Variants in STIM1 observed in about 807,000 individuals in gnomAD.
The protein encoded by STIM1 is stromal interaction molecule 1.
STIM1 carries 25 observed loss-of-function variants against 74.7 expected under a neutral mutation model. The ratio of observed to expected loss-of-function variants is 0.33; its 90% CI spans 0.24 to 0.47. STIM1 has a LOEUF of 0.47. STIM1 is among the 20% of genes least tolerant of loss of function. The probability of loss-of-function intolerance (pLI) is 1.00; values close to 1 mark genes in which losing one functional copy is unlikely to be tolerated. For synonymous variants in STIM1, 328 were observed against 348.8 expected (o/e 0.94, Z 0.66); for missense variants, 728 against 920.8 (o/e 0.79, Z 2.71).
chr11:4,000,523 G>C (rs1269124609), intron 2 of STIM1, among the ~76,000 whole-genome samples: 1 of 152,052 alleles, frequency 6.6e-6, no homozygotes, highest in African/African-American at 2.4e-5. Context: ...GCAGCTGAGG[G>C]TCCTGTCTGT....
intron 1 of STIM1, among the ~76,000 whole-genome samples, chr11:3,952,461 AC>A (rs1039130531): frequency 2.6e-5 from 4 of 152,182 alleles, no homozygotes; most frequent in African/African-American, 9.7e-5. Flanking sequence ...TGATGGATGA[AC>A]AACTAACATT....
intron 3 of STIM1, among the ~76,000 whole-genome samples, chr11:4,045,643 G>C (rs1056160735): frequency 6.6e-6 from 1 of 151,540 alleles, no homozygotes; most frequent in Non-Finnish European, 1.5e-5. Flanking sequence ...TGTAGAGATG[G>C]GTTTTGTCAT....
chr11:4,086,591 T>C, intron 12 of STIM1, 48 bp downstream of exon 12: 1 of 1,611,106 alleles, frequency 6.2e-7, no homozygotes, highest in Non-Finnish European at 8.5e-7. Flanking sequence ...CGGGTATCTC[T>C]GCGGCGAATG....
In STIM1 at chr11:3,977,941, A is replaced by G. The variant is rs574960831; in HGVS notation, c.270+10259A>G. Among the ~76,000 whole-genome samples, 8 of 152,216 alleles carry G rather than the reference A, an allele frequency of 5.3e-5. No homozygotes were observed. The South Asian group carries it at 1.7e-3, about 32-fold the overall frequency. On this transcript the variant is annotated intron_variant, in intron 2 of 12. Transcript: ENST00000526596. The stretch of plus-strand genomic sequence containing the variant: ...TCCATATCAGCTCTATCACCATCCC[A>G]TGGCACCACAGCATTTAGCCATGGG...
chr11:4,053,237 A>G (rs2094258252), intron 3 of STIM1, among the ~76,000 whole-genome samples: 1 of 152,198 alleles, frequency 6.6e-6, no homozygotes, highest in Non-Finnish European at 1.5e-5. Context: ...CTGGGTATAT[A>G]CCCAAAGGAT....
chr11:3,918,943 A>G (rs1316093466), intron 1 of STIM1, among the ~76,000 whole-genome samples: 1 of 152,196 alleles, frequency 6.6e-6, no homozygotes, highest in Non-Finnish European at 1.5e-5. Flanking sequence ...GTAGAATTCT[A>G]CTTGAAGTAG....
intron 1 of STIM1, among the ~76,000 whole-genome samples, chr11:3,871,547 T>G (rs1335761280): frequency 6.6e-6 from 1 of 152,190 alleles, no homozygotes; most frequent in Non-Finnish European, 1.5e-5. Context: ...TCACATACTC[T>G]GAGTGAGTGG....
At chr11:4,023,348 CAAACA>C (rs1460052602) in intron 2 of STIM1, among the ~76,000 whole-genome samples, 2 of 151,942 alleles carry the variant, frequency 1.3e-5, no homozygotes, top group Non-Finnish European at 2.9e-5. Context: ...AACAAACAAA[CAAACA>C]AACAAACAAC....
At chr11:4,013,748 A>T (rs1369155689) in intron 2 of STIM1, among the ~76,000 whole-genome samples, 2 of 116,100 alleles carry the variant, frequency 1.7e-5, no homozygotes, top group African/African-American at 7.0e-5. Context: ...TTTGTCACCC[A>T]GGCTGGAGTG....
intron 4 of STIM1, among the ~76,000 whole-genome samples, chr11:4,056,304 G>T (rs974996179): frequency 6.6e-6 from 1 of 152,206 alleles, no homozygotes; most frequent in Non-Finnish European, 1.5e-5. Flanking sequence ...ATATGCTAGG[G>T]CTTGGGCTGG....
chr11:3,936,482 T>C (rs533934261), intron 1 of STIM1, among the ~76,000 whole-genome samples: 6 of 152,320 alleles, frequency 3.9e-5, no homozygotes, highest in African/African-American at 7.2e-5. Flanking sequence ...CAGAACAACG[T>C]GCCTTTTGCT....
intron 3 of STIM1, among the ~76,000 whole-genome samples, chr11:4,048,182 C>T (rs1383860057): frequency 2.6e-5 from 4 of 152,148 alleles, no homozygotes; most frequent in South Asian, 2.1e-4. Context: ...TGAATCTCAC[C>T]GTATCATTCA....
intron 2 of STIM1, among the ~76,000 whole-genome samples, chr11:3,998,558 T>A (rs11030569): frequency 0.051 from 7,775 of 152,246 alleles, 301 homozygotes; most frequent in Non-Finnish European, 0.072. Flanking sequence ...GGAGATGGAT[T>A]TATGGAGCTA....
chr11:3,974,674 T>C (rs2093429317), intron 2 of STIM1, among the ~76,000 whole-genome samples: 3 of 152,080 alleles, frequency 2.0e-5, no homozygotes, highest in Admixed American at 2.0e-4. Context: ...GCAGAGGCTA[T>C]GTATTGTGGG....
At chr11:3,906,874 C>T (rs763273630) in intron 1 of STIM1, among the ~76,000 whole-genome samples, 7 of 152,068 alleles carry the variant, frequency 4.6e-5, no homozygotes, top group Admixed American at 1.3e-4. Context: ...TTAGTACCAT[C>T]GTATAGATAA....
chr11:3,968,743 T>C (rs897621469), intron 2 of STIM1, among the ~76,000 whole-genome samples: 12 of 152,298 alleles, frequency 7.9e-5, no homozygotes, highest in Middle Eastern at 3.4e-3. Context: ...ATTTCTATCT[T>C]TAAATACATA....
chr11:3,876,592 A>G (rs1332372443), intron 1 of STIM1, among the ~76,000 whole-genome samples: 1 of 152,074 alleles, frequency 6.6e-6, no homozygotes, highest in Non-Finnish European at 1.5e-5. Context: ...TATTTTTTGT[A>G]GAGGCAGGGT....
intron 1 of STIM1, among the ~76,000 whole-genome samples, chr11:3,900,414 C>T (rs947687513): frequency 7.9e-5 from 12 of 152,166 alleles, no homozygotes; most frequent in Admixed American, 2.0e-4. Context: ...CGCCCTGCTT[C>T]GGCTCGTGCA....
chr11:3,884,535 G>C (rs1284126818), intron 1 of STIM1, among the ~76,000 whole-genome samples: 2 of 152,172 alleles, frequency 1.3e-5, no homozygotes, highest in Non-Finnish European at 2.9e-5. Context: ...GCCCCAAGTG[G>C]TTCTCCATGT....
Sources: gnomAD v4.1 joint callset for allele counts (sites outside exome capture counted in the v4.1 genomes callset) on GRCh38, gnomAD v4.1.1 for gene constraint, MANE v1.5 for transcripts, NCBI Gene and HGNC (gene_info 2026-07-23, HGNC 2026-07-21) for gene names.